MICAL2: variants seen among roughly 807,000 people sequenced by gnomAD.
The protein encoded by MICAL2 is [F-actin]-monooxygenase MICAL2.
A neutral mutation model predicts 127.3 loss-of-function variants in MICAL2; 77 were observed. The observed-to-expected ratio is 0.60, with a 90% CI of 0.50 to 0.73. The LOEUF (loss-of-function observed/expected upper bound fraction) is 0.73. Among genes scored for constraint, MICAL2 ranks in the 30% least tolerant of loss-of-function variants. The pLI is 0.00. For synonymous variants in MICAL2, 570 were observed against 551.1 expected (o/e 1.03, Z -0.48); for missense variants, 1,351 against 1,434.4 (o/e 0.94, Z 0.94).
At chr11:12,127,566 T>C (rs1851047046) in intron 1 of MICAL2, among the ~76,000 whole-genome samples, 1 of 152,122 alleles carries the variant, frequency 6.6e-6, no homozygotes, top group South Asian at 2.1e-4. Flanking sequence ...GCTGTAATTT[T>C]AAACAGAGTG....
chr11:12,357,845 GA>G (rs1939151437), intron 34 of MICAL2, among the ~76,000 whole-genome samples: 2 of 151,580 alleles, frequency 1.3e-5, no homozygotes, highest in South Asian at 4.2e-4. Context: ...CTCAAAAAAA[GA>G]AAAAAGAAAA....
chr11:12,200,729 G>A (rs536165046), intron 3 of MICAL2, among the ~76,000 whole-genome samples: 8 of 152,156 alleles, frequency 5.3e-5, no homozygotes, highest in African/African-American at 1.7e-4. Flanking sequence ...CCGAGCTTTC[G>A]CCAATGGGAT....
At chr11:12,209,657 G>A in intron 6 of MICAL2, 59 bp downstream of exon 6, 1 of 1,466,570 alleles carries the variant, frequency 6.8e-7, no homozygotes, top group South Asian at 1.1e-5. Flanking sequence ...AGGGTACATT[G>A]GGGAAGAGTT....
At chr11:12,242,046 A>G (rs1161682223) in intron 18 of MICAL2, 168 bp from the exon 19 acceptor site, 4 of 570,992 alleles carry the variant, frequency 7.0e-6, no homozygotes, top group Non-Finnish European at 1.2e-5. Context: ...AGGCCAGACA[A>G]TTTTGATGCA....
intron 1 of MICAL2, among the ~76,000 whole-genome samples, chr11:12,137,282 C>T (rs1403990734): frequency 1.3e-4 from 3 of 23,162 alleles, no homozygotes; most frequent in Non-Finnish European, 9.6e-4. Flanking sequence ...TGTGTGGGCC[C>T]ACCAGGACTA....
chr11:12,143,377 G>C (rs1348375055), intron 2 of MICAL2, among the ~76,000 whole-genome samples: 1 of 152,182 alleles, frequency 6.6e-6, no homozygotes, highest in African/African-American at 2.4e-5. Flanking sequence ...AGACTGTCAA[G>C]GGCTTTGCAA....
At chr11:12,326,831 A>T (rs984698438) in intron 31 of MICAL2, among the ~76,000 whole-genome samples, 2 of 152,196 alleles carry the variant, frequency 1.3e-5, no homozygotes, top group African/African-American at 4.8e-5. Flanking sequence ...TCCAATCATT[A>T]TGCCACGGCC....
intron 34 of MICAL2, among the ~76,000 whole-genome samples, chr11:12,355,922 G>C (rs1439960552): frequency 6.6e-6 from 1 of 151,114 alleles, no homozygotes; most frequent in Non-Finnish European, 1.5e-5. Context: ...GGCTCAGATG[G>C]GTCCATCCAC....
chr11:12,203,818 A>G (rs1335394866), intron 3 of MICAL2, among the ~76,000 whole-genome samples: 1 of 152,140 alleles, frequency 6.6e-6, no homozygotes, highest in Non-Finnish European at 1.5e-5. Flanking sequence ...GTTATATCTA[A>G]GACACTATTA....
At chr11:12,283,590 A>G (rs1241452207) in intron 2 of MICAL2, among the ~76,000 whole-genome samples, 2 of 152,222 alleles carry the variant, frequency 1.3e-5, no homozygotes, top group Non-Finnish European at 2.9e-5. Context: ...AAGGACATAC[A>G]TCAGTTTGGG....
At chr11:12,156,265 G>T (rs538454934) in intron 2 of MICAL2, among the ~76,000 whole-genome samples, 1 of 152,288 alleles carries the variant, frequency 6.6e-6, no homozygotes, top group Admixed American at 6.5e-5. Context: ...CGTAGTAGGG[G>T]TTTCAGACAG....
At chr11:12,169,007 CAG>C (rs1213619906) in intron 3 of MICAL2, among the ~76,000 whole-genome samples, 3 of 145,856 alleles carry the variant, frequency 2.1e-5, no homozygotes, top group African/African-American at 7.6e-5. Context: ...CAAGACAAGA[CAG>C]TGTGGATTTG....
In MICAL2 at chr11:12,189,108, C is replaced by A. The variant is rs1858722752; in HGVS notation, c.265-15142C>A. On this transcript the variant is annotated intron_variant, in intron 3 of 27. Coordinates refer to ENST00000683283, the MANE Select transcript of MICAL2 (RefSeq NM_001282663.2). Reference sequence around the variant, plus strand: ...GAGTCAGTTTCACTTCTTCCTTCTACCCTCCAGCCTGAATTTGTAATCTCT... The same window carrying A: ...GAGTCAGTTTCACTTCTTCCTTCTAACCTCCAGCCTGAATTTGTAATCTCT... Among the ~76,000 whole-genome samples the A allele has an allele frequency of 2.0e-5, 3 of 152,302 alleles. 1 individual carries two copies. The South Asian group carries it at 6.2e-4, about 32-fold the overall frequency.
downstream of MICAL2, among the ~76,000 whole-genome samples, chr11:12,265,933 C>T (rs115381909): frequency 6.4e-3 from 980 of 151,986 alleles, 12 homozygotes; most frequent in African/African-American, 0.021. Context: ...CTGACCAACA[C>T]GACAAAACCC....
chr11:12,319,514 A>G (rs7130018), intron 29 of MICAL2, among the ~76,000 whole-genome samples: 46,236 of 151,266 alleles, frequency 0.31, 8,210 homozygotes, highest in African/African-American at 0.49. Context: ...TGTAATTAAC[A>G]TGGAGGGCCA....
At chr11:12,320,578 C>T (rs1000120797) in intron 30 of MICAL2, among the ~76,000 whole-genome samples, 6 of 152,232 alleles carry the variant, frequency 3.9e-5, no homozygotes, top group African/African-American at 7.2e-5. Flanking sequence ...ACCTAAAATG[C>T]TTCCCGGGTA....
intron 22 of MICAL2, among the ~76,000 whole-genome samples, chr11:12,251,685 G>C (rs1376579736): frequency 6.6e-6 from 1 of 151,874 alleles, no homozygotes; most frequent in African/African-American, 2.4e-5. Flanking sequence ...GGTGGGACCA[G>C]GTGTGGTCTT....
At chr11:12,298,117 A>G (rs1044359868) in intron 29 of MICAL2, among the ~76,000 whole-genome samples, 2 of 151,960 alleles carry the variant, frequency 1.3e-5, no homozygotes, top group African/African-American at 4.8e-5. Context: ...TAACTTGGCA[A>G]GAACTTATAA....
chr11:12,258,490 C>T lies in MICAL2; in HGVS notation c.3165C>T (p.His1055=). Residue 1055 remains histidine (H), a synonymous_variant, in exon 25 of 28, where the codon CAC becomes CAT. Coordinates refer to ENST00000683283, the MANE Select transcript of MICAL2 (RefSeq NM_001282663.2). ...CAGGCAAATTTTACTGCAAGCCTCACTTCATTCACTGTAAAACCAATAGCA... is the reference window on the plus strand; with the variant it reads ...CAGGCAAATTTTACTGCAAGCCTCATTTCATTCACTGTAAAACCAATAGCA... The part of the protein sequence containing the change: ...CDEGKFYCKP[H]FIHCKTNSKQ... 6.2e-6 allele frequency: 10 copies of T among 1,614,198 alleles called. No homozygotes were observed. Among genetic ancestry groups the T allele is most frequent in the Non-Finnish European group, 8.5e-6 (10 of 1,180,030 alleles).
Sources: allele counts gnomAD v4.1 joint callset (sites outside exome capture counted in the v4.1 genomes callset), GRCh38; gene constraint gnomAD v4.1.1; transcripts MANE v1.5; gene names NCBI Gene and HGNC (gene_info 2026-07-23, HGNC 2026-07-21).